FLOT1: variants seen among roughly 807,000 people sequenced by gnomAD.
FLOT1 encodes flotillin-1.
A neutral mutation model predicts 58.4 loss-of-function variants in FLOT1; 40 were observed. That is an observed-to-expected ratio of 0.69 (90% CI 0.53 to 0.89). FLOT1 has a LOEUF of 0.89. Among genes scored for constraint, FLOT1 ranks in the 40% least tolerant of loss-of-function variants. The pLI, the probability that FLOT1 is intolerant of heterozygous loss-of-function variation, is 0.00. For missense variants in FLOT1, 423 were observed against 540.8 expected, an observed-to-expected ratio of 0.78 and a Z score of 2.16; for synonymous variants, 178 against 204.2, an observed-to-expected ratio of 0.87 and a Z score of 1.09.
intron 8 of FLOT1, among the ~76,000 whole-genome samples, chr6:30,735,945 CT>C (rs968330255): frequency 1.6e-3 from 230 of 146,226 alleles, no homozygotes; most frequent in Admixed American, 1.5e-3. Flanking sequence ...TTTTCTCCAT[CT>C]TTTTTTTTTT....
intron 9 of FLOT1, 84 bp from the exon 10 acceptor site, chr6:30,730,811 C>G (rs1177150123): frequency 6.2e-7 from 1 of 1,605,092 alleles, no homozygotes; most frequent in African/African-American, 1.3e-5. Context: ...GGCAGACGCT[C>G]CTGAAACCTG....
At chr6:30,739,166 G>A (rs535289222) in intron 8 of FLOT1, among the ~76,000 whole-genome samples, 1 of 152,062 alleles carries the variant, frequency 6.6e-6, no homozygotes, top group Admixed American at 6.6e-5. Context: ...CAGGGCTGCC[G>A]CTAGCCCATA....
Position 30,741,640 on chromosome 6 carries a change from G to A in FLOT1, c.184C>T (p.Pro62Ser). ...SEKVYTRHGV[P>S]ISVTGIAQVK... ...TGGGCAATGCCAGTGACTGAGATGG[G>A]GACCCCATGGCGAGTGTAAACCTTT... The change falls in exon 4 of 13, where the codon CCC (proline) becomes TCC (serine). Residue 62 changes from proline (P) to serine (S), a missense_variant. Pro to Ser is a moderately conservative substitution (Grantham distance 74). Transcript: ENST00000376389. The surrounding 1 kb of genome is among the most constrained non-coding windows in gnomAD (Gnocchi z 5.9). The A allele has an allele frequency of 6.2e-7, 1 of 1,612,610 alleles. No individual in the cohort carries two copies. The highest frequency in any genetic ancestry group is 8.5e-7 in the Non-Finnish European group (1 of 1,179,816).
chr6:30,733,595 G>T (rs1777348975), intron 8 of FLOT1, among the ~76,000 whole-genome samples: 1 of 151,384 alleles, frequency 6.6e-6, no homozygotes, highest in Non-Finnish European at 1.5e-5. Context: ...ACAAAAATTA[G>T]CCAGCAATGG....
chr6:30,742,292 C>A lies in FLOT1; in HGVS notation c.-14-89G>T, dbSNP rs564988180. 2 of 1,146,588 alleles carry A rather than the reference C, an allele frequency of 1.7e-6. No individual in the cohort carries two copies. The highest frequency in any genetic ancestry group is 2.3e-5 in the East Asian group (1 of 42,696). 71.0% of individuals were successfully genotyped at this position (1,146,588 alleles called of 1,614,324 possible). A position where few individuals can be genotyped will look rare whatever the true frequency, so the allele number is the denominator to read the frequency against. On this transcript the variant is annotated intron_variant, in intron 1 of 12. Transcript: ENST00000376389. This position sits in a 1 kb window ranked among gnomAD's most constrained non-coding sequence, Gnocchi z 5.2. ...CCATCCTTTCCCTTTCCCGTCAGGC[C>A]CTCCCAGTCTGCATCCGCCACGGCC...
intron 12 of FLOT1, among the ~76,000 whole-genome samples, chr6:30,728,662 G>T (rs1321357393): frequency 6.6e-6 from 1 of 151,664 alleles, no homozygotes; most frequent in Non-Finnish European, 1.5e-5. Context: ...TAGAGATGGG[G>T]TATCACCATG....
chr6:30,730,909 G>C lies in FLOT1; in HGVS notation c.905+10C>G. 6.2e-7 allele frequency: 1 copy of C among 1,609,130 alleles called. No homozygotes were observed. Among genetic ancestry groups the C allele is most frequent in the South Asian group, 1.1e-5 (1 of 90,582 alleles). On this transcript the variant is annotated intron_variant, in intron 9 of 12. Coordinates refer to ENST00000376389, the MANE Select transcript of FLOT1 (RefSeq NM_005803.4). ...AGTGAGCTAGGCAGGGTCAGGGAGGGGACATTTACTTCTCTGCCTCGGCTA... is the reference window on the plus strand; with the variant it reads ...AGTGAGCTAGGCAGGGTCAGGGAGGCGACATTTACTTCTCTGCCTCGGCTA...
chr6:30,728,934 G>A (rs1228384876), intron 12 of FLOT1, among the ~76,000 whole-genome samples: 2 of 150,678 alleles, frequency 1.3e-5, no homozygotes, highest in African/African-American at 2.4e-5. Flanking sequence ...GGCACACACC[G>A]CCACGCCCGG....
At chr6:30,729,742 G>T (rs1453125196) in intron 12 of FLOT1, among the ~76,000 whole-genome samples, 1 of 152,220 alleles carries the variant, frequency 6.6e-6, no homozygotes, top group Non-Finnish European at 1.5e-5. Context: ...ACAGGTTGCA[G>T]AGACAGTCGA....
In FLOT1 at chr6:30,742,445, C is replaced by T; in HGVS notation, c.-15+82G>A. 3.5e-6 allele frequency: 2 copies of T among 577,826 alleles called. No homozygotes were observed. The highest frequency in any genetic ancestry group is 6.2e-6 in the Non-Finnish European group (2 of 323,436). 35.8% of individuals were successfully genotyped at this position (577,826 alleles called of 1,614,324 possible). On this transcript the variant is annotated intron_variant, in intron 1 of 12. Transcript: ENST00000376389. The surrounding 1 kb of genome is among the most constrained non-coding windows in gnomAD (Gnocchi z 5.2). ...CGCCGCTCCCTTTGATAAAGGTCCC[C>T]CGCGCCCAGAGGCCTGCAGACCTTT...
chr6:30,729,989 G>C, intron 12 of FLOT1, 33 bp downstream of exon 12: 1 of 1,602,218 alleles, frequency 6.2e-7, no homozygotes, highest in South Asian at 1.1e-5. Context: ...CAGGAACCTA[G>C]CAATTCTCCT....
At chr6:30,733,980 A>T (rs1437232890) in intron 8 of FLOT1, among the ~76,000 whole-genome samples, 1 of 130,408 alleles carries the variant, frequency 7.7e-6, no homozygotes, top group Non-Finnish European at 1.6e-5. Flanking sequence ...TGAGCCTGGG[A>T]GGTTGAGGTT....
In FLOT1 at chr6:30,741,082, C is replaced by T. The variant is rs757979530; in HGVS notation, c.354+108G>A. 26 of 1,378,768 alleles carry T rather than the reference C, an allele frequency of 1.9e-5. No homozygotes were observed. Among genetic ancestry groups the T allele is most frequent in the Admixed American group, 5.8e-5 (3 of 51,478 alleles). 85.4% of individuals were successfully genotyped at this position (1,378,768 alleles called of 1,614,324 possible). On this transcript the variant is annotated intron_variant, in intron 5 of 12. Transcript: ENST00000376389. This position sits in a 1 kb window ranked among gnomAD's most constrained non-coding sequence, Gnocchi z 5.9. ...GATTACAGGCATGAACCACCCTGCC[C>T]GGCCGGGATGTATGCTCTTGGATCC... is the stretch of plus-strand genomic sequence containing the variant.
Position 30,742,412 on chromosome 6 carries a change from C to T in FLOT1, c.-15+115G>A. 3.3e-6 allele frequency: 2 copies of T among 600,026 alleles called. No individual in the cohort carries two copies. The highest frequency in any genetic ancestry group is 2.9e-5 in the East Asian group (1 of 34,554). The allele number at this position is 600,026 out of a possible 1,614,324, so 37.2% of individuals were successfully genotyped here. A position where few individuals can be genotyped will look rare whatever the true frequency, so the allele number is the denominator to read the frequency against. On this transcript the variant is annotated intron_variant, in intron 1 of 12. Transcript: ENST00000376389. The surrounding 1 kb of genome is among the most constrained non-coding windows in gnomAD (Gnocchi z 5.2). Reference sequence around the variant, plus strand: ...TTCTCCGCCTGCGTATGGTCCCTCCCTTCCCCTCGCCGCTCCCTTTGATAA... The same window carrying T: ...TTCTCCGCCTGCGTATGGTCCCTCCTTTCCCCTCGCCGCTCCCTTTGATAA...
chr6:30,730,988 A>G lies in FLOT1; in HGVS notation c.836T>C (p.Leu279Pro). The G allele has an allele frequency of 6.2e-7, 1 of 1,613,888 alleles. No individual in the cohort carries two copies. Among genetic ancestry groups the G allele is most frequent in the Non-Finnish European group, 8.5e-7 (1 of 1,179,974 alleles). The change falls in exon 9 of 13, where the codon CTG becomes CCG. Residue 279 changes from leucine (L) to proline (P), a missense_variant. Around this residue, in one of 6 missense-constraint regions of FLOT1, gnomAD observed 106 missense variants for 88.4 expected, o/e 1.20. Transcript: ENST00000376389. The part of the protein sequence containing the change: ...EQEIARREKE[L>P]EARVRKPAEA... Reference sequence around the variant, plus strand: ...CGCTGGCTTCCGCACCCGGGCCTCCAGCTCCTTCTCCCGCCGGGCGATCTC... The same window carrying G: ...CGCTGGCTTCCGCACCCGGGCCTCCGGCTCCTTCTCCCGCCGGGCGATCTC...
rs1019858204 is a variant in FLOT1, at chr6:30,742,547, G to A, written c.-35C>T. Reference sequence around the variant, plus strand: ...CTCACCTTCCGGGACGCGGGCGGCAGCCCGGCTGGGGTCTCGGGAAGGGCG... The same window carrying A: ...CTCACCTTCCGGGACGCGGGCGGCAACCCGGCTGGGGTCTCGGGAAGGGCG... On this transcript the variant is annotated 5_prime_UTR_variant, in exon 1 of 13. Transcript: ENST00000376389. The surrounding 1 kb of genome is among the most constrained non-coding windows in gnomAD (Gnocchi z 5.2). 6.6e-6 allele frequency: 2 copies of A among 300,862 alleles called. No homozygotes were observed. The highest frequency in any genetic ancestry group is 1.3e-5 in the Non-Finnish European group (2 of 159,134). The allele number at this position is 300,862 out of a possible 1,614,324, so 18.6% of individuals were successfully genotyped here.
chr6:30,733,434 T>TA (rs1468054471), intron 8 of FLOT1, among the ~76,000 whole-genome samples: 1 of 152,172 alleles, frequency 6.6e-6, no homozygotes, highest in Non-Finnish European at 1.5e-5. Flanking sequence ...CATGGTTTTC[T>TA]AGCTTTTTAA....
intron 8 of FLOT1, among the ~76,000 whole-genome samples, chr6:30,739,732 C>T (rs1315544245): frequency 1.3e-5 from 2 of 151,490 alleles, no homozygotes; most frequent in African/African-American, 2.4e-5. Flanking sequence ...AGTGTGATCT[C>T]GACTCACTGC....
chr6:30,730,362 C>T, intron 11 of FLOT1, 66 bp downstream of exon 11: 1 of 1,533,018 alleles, frequency 6.5e-7, no homozygotes, highest in Non-Finnish European at 8.8e-7. Flanking sequence ...AAGCCCCTCA[C>T]TACACCCCAC....
Sources: gnomAD v4.1 joint callset for allele counts (sites outside exome capture counted in the v4.1 genomes callset) on GRCh38, gnomAD v4.1.1 for gene constraint, gnomAD v4.1.1 regional missense constraint, Gnocchi (gnomAD v3.1) non-coding constraint, MANE v1.5 for transcripts, NCBI Gene and HGNC (gene_info 2026-07-23, HGNC 2026-07-21) for gene names.